Variants in MMUT observed in about 807,000 individuals in gnomAD.
The protein encoded by MMUT is methylmalonyl-CoA mutase, mitochondrial.
A neutral mutation model predicts 79.9 loss-of-function variants in MMUT; 79 were observed. The ratio of observed to expected loss-of-function variants is 0.99; its 90% CI spans 0.82 to 1.19. The LOEUF (loss-of-function observed/expected upper bound fraction) is 1.19. Among genes scored for constraint, MMUT ranks in the 50% most tolerant of loss-of-function variants. The probability of loss-of-function intolerance (pLI) is 0.00; values close to 1 mark genes in which losing one functional copy is unlikely to be tolerated. For missense variants in MMUT, 860 were observed against 917.2 expected (o/e 0.94, Z 0.81); for synonymous variants, 273 against 295.7 (o/e 0.92, Z 0.79).
At chr6:49,458,400 A>T (rs1469542304) in intron 2 of MMUT, among the ~76,000 whole-genome samples, 1 of 152,238 alleles carries the variant, frequency 6.6e-6, no homozygotes, top group African/African-American at 2.4e-5. Flanking sequence ...GGCTGTTCAT[A>T]TATGGCAAAA....
At chr6:49,444,924 T>C (rs1202732472) in intron 8 of MMUT, among the ~76,000 whole-genome samples, 170 bp from the exon 9 acceptor site, 1 of 152,154 alleles carries the variant, frequency 6.6e-6, no homozygotes, top group African/African-American at 2.4e-5. Flanking sequence ...ATTTTATTCA[T>C]TCAATTCATT....
At position 49,451,520 on chromosome 6, in the gene MMUT, T is replaced by A. The variant is rs756796362; in HGVS notation, c.1278A>T (p.Gly426=). 6.2e-7 allele frequency: 1 copy of A among 1,614,094 alleles called. No homozygotes were observed. The highest frequency in any genetic ancestry group is 1.7e-5 in the Admixed American group (1 of 60,010). The part of the protein sequence containing the change: ...SGIPKVADPW[G]GSYMMECLTN... ...TGAGACATTCCATCATGTAAGAACC[T>A]CCCCAAGGATCAGCCACTTTGGGAA... Residue 426 remains glycine (G), a synonymous_variant, in exon 6 of 13, where the codon GGA becomes GGT. Transcript: ENST00000274813.
rs527669027 is a variant in MMUT, at chr6:49,452,669, C to T, written c.1083+916G>A. The stretch of plus-strand genomic sequence containing the variant: ...TTTATAAGAACCTGAAGTTTTATTT[C>T]ATACAGAGTATAATAGTTATTATTC... On this transcript the variant is annotated intron_variant, in intron 5 of 12. Coordinates refer to ENST00000274813, the MANE Select transcript of MMUT (RefSeq NM_000255.4). 1.4e-3 allele frequency among the ~76,000 whole-genome samples: 216 copies of T among 152,216 alleles called. 1 individual carries two copies. Among genetic ancestry groups the T allele is most frequent in the African/African-American group, 4.9e-3 (203 of 41,540 alleles).
chr6:49,444,760 G>A lies in MMUT; in HGVS notation c.1561-6C>T. 1 of 1,605,610 alleles carries A rather than the reference G, an allele frequency of 6.2e-7. No individual in the cohort carries two copies. The highest frequency in any genetic ancestry group is 8.5e-7 in the Non-Finnish European group (1 of 1,172,768). ...TGATCCCTGCTGGATTTGATCTATG[G>A]AAAAAGTCAAGGAAAGGGACAATTT... On this transcript the variant is annotated splice_region_variant and splice_polypyrimidine_tract_variant and intron_variant, in intron 8 of 12. Coordinates refer to ENST00000274813, the MANE Select transcript of MMUT (RefSeq NM_000255.4).
chr6:49,456,313 T>A (rs1767689256), intron 3 of MMUT, 76 bp from the exon 4 acceptor site: 2 of 1,002,118 alleles, frequency 2.0e-6, no homozygotes, highest in African/African-American at 1.6e-5. Context: ...TTTCTAAGCA[T>A]AAACATTATT....
At chr6:49,435,757 G>A (rs995675795) in intron 11 of MMUT, 134 bp from the exon 12 acceptor site, 2 of 956,984 alleles carry the variant, frequency 2.1e-6, no homozygotes, top group Admixed American at 5.7e-5. Context: ...GATGCCAAAA[G>A]CAATTACAAC....
rs2127415165 is a variant in MMUT at position 49,441,845 on chromosome 6, G to C, written c.1803C>G (p.Ile601Met). The change falls in exon 10 of 13, where the codon ATC becomes ATG. Residue 601 changes from isoleucine to methionine, a missense_variant. Physicochemically the swap from Ile to Met is conservative, Grantham distance 10. Transcript: ENST00000274813. ...FGESKEITSA[I>M]KRVHKFMERE... Reference sequence around the variant, plus strand: ...TAAGAAACCTTACATATTACCTCTTGATAGCAGATGTTATCTCTTTACTTT... The same window carrying C: ...TAAGAAACCTTACATATTACCTCTTCATAGCAGATGTTATCTCTTTACTTT... 1 of 1,611,070 alleles carries C rather than the reference G, an allele frequency of 6.2e-7. No individual in the cohort carries two copies. Among genetic ancestry groups the C allele is most frequent in the Non-Finnish European group, 8.5e-7 (1 of 1,178,098 alleles).
chr6:49,443,387 A>G (rs535677110), intron 9 of MMUT, among the ~76,000 whole-genome samples: 222 of 152,268 alleles, frequency 1.5e-3, no homozygotes, highest in Middle Eastern at 6.8e-3. Context: ...TGCACTGTAC[A>G]TGAGGTATCA....
chr6:49,456,530 G>GT (rs1368521222), intron 3 of MMUT, among the ~76,000 whole-genome samples: 14 of 152,152 alleles, frequency 9.2e-5, no homozygotes, highest in African/African-American at 3.1e-4. Flanking sequence ...GCTAGCTGAG[G>GT]TTAGGAATGT....
At chr6:49,442,142 A>T (rs1018931364) in intron 9 of MMUT, among the ~76,000 whole-genome samples, 171 bp from the exon 10 acceptor site, 6 of 152,156 alleles carry the variant, frequency 3.9e-5, no homozygotes, top group Admixed American at 1.3e-4. Context: ...AAATTACTTA[A>T]GAAAAATTTA....
At chr6:49,444,543 T>C (rs1767358934) in intron 9 of MMUT, 96 bp downstream of exon 9, 4 of 961,674 alleles carry the variant, frequency 4.2e-6, no homozygotes, top group Non-Finnish European at 6.7e-6. Context: ...TGGGCTCACA[T>C]GGTTTACAGG....
At chr6:49,442,276 C>T (rs1362459513) in intron 9 of MMUT, among the ~76,000 whole-genome samples, 1 of 152,054 alleles carries the variant, frequency 6.6e-6, no homozygotes, top group Non-Finnish European at 1.5e-5. Context: ...CACCACTTAA[C>T]ACAAATGGAT....
In MMUT at chr6:49,453,886, A is replaced by C. The variant is rs188174358; in HGVS notation, c.912-130T>G. 145 of 784,570 alleles carry C rather than the reference A, an allele frequency of 1.8e-4. No homozygotes were observed. In the African/African-American group the frequency reaches 2.4e-3, roughly 13 times the overall value. 48.6% of individuals were successfully genotyped at this position (784,570 alleles called of 1,614,324 possible). A position where few individuals can be genotyped will look rare whatever the true frequency, so the allele number is the denominator to read the frequency against. The stretch of plus-strand genomic sequence containing the variant: ...ATTTCGAAGAACTTAATTTGAATTA[A>C]GATCAGTGCACGTACATTTATGTAA... On this transcript the variant is annotated intron_variant, in intron 4 of 12. Transcript: ENST00000274813.
At chr6:49,442,942 A>AGAT (rs1242155853) in intron 9 of MMUT, among the ~76,000 whole-genome samples, 1 of 152,170 alleles carries the variant, frequency 6.6e-6, no homozygotes, top group African/African-American at 2.4e-5. Flanking sequence ...AATAAAAGTC[A>AGAT]TCTAATTTTT....
intron 7 of MMUT, among the ~76,000 whole-genome samples, chr6:49,448,267 T>A (rs1386649239): frequency 6.6e-6 from 1 of 152,052 alleles, no homozygotes; most frequent in Admixed American, 6.6e-5. Context: ...AGATTATTAC[T>A]CTTATATAAA....
At chr6:49,448,730 T>A (rs1343576744) in intron 7 of MMUT, 86 bp downstream of exon 7, 1 of 1,139,060 alleles carries the variant, frequency 8.8e-7, no homozygotes, top group African/African-American at 1.6e-5. Context: ...TATTTTTGTT[T>A]TGTTAACTAT....
intron 4 of MMUT, among the ~76,000 whole-genome samples, chr6:49,454,987 A>G (rs944022948): frequency 5.3e-5 from 8 of 152,174 alleles, no homozygotes; most frequent in Non-Finnish European, 4.4e-5. Context: ...CTGAGGCTGC[A>G]ATGAGCAGTG....
Position 49,459,178 on chromosome 6 carries a change from G to A in MMUT, c.289C>T (p.Pro97Ser). Reference sequence around the variant, plus strand: ...CAGGGCCTAAAGGTATACATGGTAGGATATGGTCCACGTGTGAATGGCTTC... The same window carrying A: ...CAGGGCCTAAAGGTATACATGGTAGAATATGGTCCACGTGTGAATGGCTTC... ...GVKPFTRGPY[P>S]TMYTFRPWTI... Residue 97 changes from proline to serine, a missense_variant, in exon 2 of 13, where the codon CCT (proline) becomes TCT (serine). Pro to Ser is a moderately conservative substitution (Grantham distance 74). Transcript: ENST00000274813. The A allele has an allele frequency of 1.2e-6, 2 of 1,614,184 alleles. No individual in the cohort carries two copies. The highest frequency in any genetic ancestry group is 1.7e-6 in the Non-Finnish European group (2 of 1,180,018).
chr6:49,445,125 G>T (rs1767379605), intron 8 of MMUT, among the ~76,000 whole-genome samples: 1 of 151,800 alleles, frequency 6.6e-6, no homozygotes, highest in South Asian at 2.1e-4. Flanking sequence ...AAGATTAATA[G>T]TGACAAGAAA....
Sources: gnomAD v4.1 joint callset for allele counts (sites outside exome capture counted in the v4.1 genomes callset) on GRCh38, gnomAD v4.1.1 for gene constraint, MANE v1.5 for transcripts, NCBI Gene and HGNC (gene_info 2026-07-23, HGNC 2026-07-21) for gene names.